TNFAIP6: variants seen among roughly 807,000 people sequenced by gnomAD.
TNFAIP6 encodes tumor necrosis factor-inducible gene 6 protein.
In TNFAIP6, 36 loss-of-function variants were observed where a neutral mutation model predicts 33.7. The observed-to-expected ratio is 1.07, with a 90% CI of 0.82 to 1.41. The LOEUF (loss-of-function observed/expected upper bound fraction) is 1.41, where lower values mean the gene tolerates loss of function less well. TNFAIP6 is among the 40% of genes most tolerant of loss of function. The pLI, the probability that TNFAIP6 is intolerant of heterozygous loss-of-function variation, is 0.00. For missense variants in TNFAIP6, 273 were observed against 331.9 expected (o/e 0.82, Z 1.38); for synonymous variants, 113 against 112.8 (o/e 1.00, Z -0.01).
chr2:151,371,317 T>G (rs1268548587), intron 4 of TNFAIP6, among the ~76,000 whole-genome samples: 1 of 152,186 alleles, frequency 6.6e-6, no homozygotes, highest in African/African-American at 2.4e-5. Context: ...ATTAGGTATT[T>G]TATATATTCA....
At chr2:151,370,303 T>C in intron 4 of TNFAIP6, 55 bp downstream of exon 4, 1 of 1,327,862 alleles carries the variant, frequency 7.5e-7, no homozygotes, top group Non-Finnish European at 1.1e-6. Context: ...TTTTGTTTGA[T>C]GCTTCTTTAA....
At chr2:151,376,903 G>T (rs1477933361) in intron 5 of TNFAIP6, among the ~76,000 whole-genome samples, 13 of 130,822 alleles carry the variant, frequency 9.9e-5, no homozygotes, top group East Asian at 2.2e-4. Flanking sequence ...TTGAGACAGG[G>T]TCTTGTTCTG....
At chr2:151,375,601 G>A (rs1433658840) in intron 5 of TNFAIP6, among the ~76,000 whole-genome samples, 3 of 152,020 alleles carry the variant, frequency 2.0e-5, no homozygotes, top group East Asian at 1.9e-4. Context: ...CCAGCCACTT[G>A]GGAGGCTGAG....
At position 151,366,361 on chromosome 2, in the gene TNFAIP6, C is replaced by T. The variant is rs145527070; in HGVS notation, c.394+144C>T. 536 of 698,098 alleles carry T rather than the reference C, an allele frequency of 7.7e-4. 3 individuals are homozygous for T. The African/African-American group carries it at 8.6e-3, about 11-fold the overall frequency. The allele number at this position is 698,098 out of a possible 1,614,324, so 43.2% of individuals were successfully genotyped here. ...ACTAATAACTACAATTCATAAAGTG[C>T]TTATACTATACCCGACATTGAGTTG... is the stretch of plus-strand genomic sequence containing the variant. On this transcript the variant is annotated intron_variant, in intron 3 of 5. Transcript: ENST00000243347.
intron 1 of TNFAIP6, among the ~76,000 whole-genome samples, chr2:151,362,477 A>ATTTTTTTTTTTTTT (rs765993291): frequency 1.2e-5 from 1 of 82,810 alleles, no homozygotes; most frequent in African/African-American, 4.6e-5. Flanking sequence ...GTCTTACTAA[A>ATTTTTTTTTTTTTT]TTCTTTTTTT....
intron 5 of TNFAIP6, among the ~76,000 whole-genome samples, chr2:151,376,866 T>C (rs958909821): frequency 5.0e-5 from 2 of 39,666 alleles, no homozygotes; most frequent in African/African-American, 2.9e-4. Context: ...TTTTCTTTTC[T>C]TTTTTTTTTT....
intron 3 of TNFAIP6, 86 bp from the exon 4 acceptor site, chr2:151,369,934 A>T: frequency 1.0e-6 from 1 of 996,938 alleles, no homozygotes; most frequent in Non-Finnish European, 1.5e-6. Context: ...AAAAAGTAAT[A>T]GATTGCTAAG....
Position 151,369,641 on chromosome 2 carries a change from GGCACATGCCT to G in TNFAIP6, c.395-377_395-368del, listed in dbSNP as rs202112301. 6.0e-3 allele frequency among the ~76,000 whole-genome samples: 909 copies of G among 152,234 alleles called. 21 individuals are homozygous for G. The highest frequency in any genetic ancestry group is 0.032 in the Admixed American group (483 of 15,282). ...AAAATAAAAATTACCAGGGCTGGGT[GGCACATGCCT>G]GTCATCCCAACTACTTAGGAGGCTG... On this transcript the variant is annotated intron_variant, in intron 3 of 5. Coordinates refer to ENST00000243347, the MANE Select transcript of TNFAIP6 (RefSeq NM_007115.4).
chr2:151,375,725 TATCA>T (rs1684896020), intron 5 of TNFAIP6, among the ~76,000 whole-genome samples: 1 of 151,854 alleles, frequency 6.6e-6, no homozygotes, highest in Admixed American at 6.6e-5. Context: ...AAAAAAATCC[TATCA>T]AGCATAATAC....
Position 151,370,169 on chromosome 2 carries a change from C to T in TNFAIP6, c.544C>T (p.Leu182Phe). The change falls in exon 4 of 6, where the codon CTT becomes TTT. Residue 182 changes from leucine (L) to phenylalanine (F), a missense_variant. Transcript: ENST00000243347. ...RIHLSFLDFD[L>F]EDDPGCLADY... is the part of the protein sequence containing the mutation. Reference sequence around the variant, plus strand: ...TCACCTGAGTTTTTTAGATTTTGACCTTGAAGATGACCCAGGTTGCTTGGC... The same window carrying T: ...TCACCTGAGTTTTTTAGATTTTGACTTTGAAGATGACCCAGGTTGCTTGGC... The T allele has an allele frequency of 6.2e-7, 1 of 1,614,076 alleles. No individual in the cohort carries two copies. Among genetic ancestry groups the T allele is most frequent in the Non-Finnish European group, 8.5e-7 (1 of 1,180,012 alleles).
rs866357133 is a variant in TNFAIP6, at chr2:151,366,431, C to G, written c.394+214C>G. On this transcript the variant is annotated intron_variant, in intron 3 of 5. Transcript: ENST00000243347. ...TAACTTAATATTCACAATAATTCTT[C>G]AAGGAGCTATTGTTATACCTATTTT... Among the ~76,000 whole-genome samples the G allele has an allele frequency of 3.3e-5, 5 of 152,264 alleles. No homozygotes were observed. The South Asian group carries it at 1.0e-3, about 32-fold the overall frequency.
At chr2:151,369,925 A>C (rs543582565) in intron 3 of TNFAIP6, 95 bp from the exon 4 acceptor site, 1 of 928,902 alleles carries the variant, frequency 1.1e-6, no homozygotes, top group East Asian at 2.5e-5. Context: ...ACATTTCATA[A>C]AAAGTAATAG....
chr2:151,361,292 T>C (rs1573777891), intron 1 of TNFAIP6, among the ~76,000 whole-genome samples: 2 of 152,146 alleles, frequency 1.3e-5, no homozygotes, highest in Admixed American at 1.3e-4. Flanking sequence ...GCCAGGCTGG[T>C]CTGGAACTTC....
chr2:151,365,162 G>A (rs966333197), intron 2 of TNFAIP6, among the ~76,000 whole-genome samples: 5 of 152,064 alleles, frequency 3.3e-5, no homozygotes, highest in East Asian at 1.9e-4. Context: ...GCAACATAGC[G>A]AAACCTCATC....
At position 151,361,344 on chromosome 2, in the gene TNFAIP6, G is replaced by A. The variant is rs372909604; in HGVS notation, c.95-2599G>A. Among the ~76,000 whole-genome samples, 10 of 152,168 alleles carry A rather than the reference G, an allele frequency of 6.6e-5. No individual in the cohort carries two copies. In the East Asian group the frequency reaches 1.4e-3, roughly 21 times the overall value. On this transcript the variant is annotated intron_variant, in intron 1 of 5. Transcript: ENST00000243347. The stretch of plus-strand genomic sequence containing the variant: ...ACCCGCCTCAGCCTCCCAAAGTGCT[G>A]GAATTATAGGCATGAGCTACCATGC...
At chr2:151,367,263 GAATA>G (rs747366020) in intron 3 of TNFAIP6, among the ~76,000 whole-genome samples, 1 of 152,046 alleles carries the variant, frequency 6.6e-6, no homozygotes, top group Non-Finnish European at 1.5e-5. Context: ...GACAAAATAG[GAATA>G]AATACTTAAC....
intron 1 of TNFAIP6, among the ~76,000 whole-genome samples, chr2:151,362,610 C>T (rs1359949157): frequency 6.7e-6 from 1 of 150,368 alleles, no homozygotes; most frequent in African/African-American, 2.4e-5. Flanking sequence ...CCTGCCTCAG[C>T]CTCCCGAGTA....
At chr2:151,365,531 C>G (rs915194983) in intron 2 of TNFAIP6, among the ~76,000 whole-genome samples, 2 of 151,938 alleles carry the variant, frequency 1.3e-5, no homozygotes, top group East Asian at 1.9e-4. Flanking sequence ...CCCAGCTATT[C>G]AGGAGGCTGA....
At chr2:151,372,085 CT>C (rs1316724152) in intron 4 of TNFAIP6, 1 of 152,224 alleles carries the variant, frequency 6.6e-6, no homozygotes, top group Non-Finnish European at 1.5e-5. Flanking sequence ...CTACAGTGCG[CT>C]ATGCTGGTGG....
Sources: gnomAD v4.1 joint callset for allele counts (sites outside exome capture counted in the v4.1 genomes callset) on GRCh38, gnomAD v4.1.1 for gene constraint, MANE v1.5 for transcripts, NCBI Gene and HGNC (gene_info 2026-07-23, HGNC 2026-07-21) for gene names.